The following EYA4 variants were observed in gnomAD, a reference collection of about 807,000 sequenced individuals.
EYA4 encodes EYA transcriptional coactivator and phosphatase 4, also known as protein phosphatase EYA4.
Under a neutral mutation model 87.9 loss-of-function variants are expected in EYA4, and 31 were observed. The ratio of observed to expected loss-of-function variants is 0.35; its 90% CI spans 0.27 to 0.48. EYA4 has a LOEUF of 0.48. Ranked by LOEUF, EYA4 falls within the 20% of genes least tolerant of loss-of-function variation. The probability of loss-of-function intolerance (pLI) is 0.99; values close to 1 mark genes in which losing one functional copy is unlikely to be tolerated. For synonymous variants in EYA4, 263 were observed against 270.6 expected (o/e 0.97, Z 0.28); for missense variants, 678 against 761.4 (o/e 0.89, Z 1.29).
chr6:133,401,194 C>A (rs73559694), intron 3 of EYA4, among the ~76,000 whole-genome samples: 3 of 152,146 alleles, frequency 2.0e-5, no homozygotes, highest in Admixed American at 6.5e-5. Flanking sequence ...AAAAGTGGAT[C>A]TCATAAGGAT....
chr6:133,245,463 G>A (rs953912063), intron 1 of EYA4, among the ~76,000 whole-genome samples: 2 of 152,142 alleles, frequency 1.3e-5, no homozygotes, highest in African/African-American at 4.8e-5. Context: ...TCCCTGTAGA[G>A]TATCTTAAAC....
chr6:133,386,916 G>C (rs930988578), intron 3 of EYA4, among the ~76,000 whole-genome samples: 1 of 152,190 alleles, frequency 6.6e-6, no homozygotes, highest in Non-Finnish European at 1.5e-5. Flanking sequence ...TCTCCACTTC[G>C]TAAGTTAAAG....
intron 1 of EYA4, among the ~76,000 whole-genome samples, chr6:133,268,796 CAGG>C (rs1013555060): frequency 1.3e-5 from 2 of 151,766 alleles, no homozygotes; most frequent in African/African-American, 4.8e-5. Flanking sequence ...ACCAGTGCAT[CAGG>C]AGGAGAAGAG....
intron 2 of EYA4, among the ~76,000 whole-genome samples, chr6:133,366,681 A>G (rs1401668444): frequency 6.6e-6 from 1 of 152,156 alleles, no homozygotes; most frequent in Non-Finnish European, 1.5e-5. Context: ...AGTGGCATGG[A>G]CATGATTTGT....
intron 1 of EYA4, among the ~76,000 whole-genome samples, chr6:133,244,450 A>T (rs1774240383): frequency 1.3e-5 from 2 of 152,104 alleles, no homozygotes; most frequent in Non-Finnish European, 2.9e-5. Flanking sequence ...GAGTGATTGT[A>T]TAAAAAGGAA....
chr6:133,418,970 T>G (rs1361077342), intron 3 of EYA4, among the ~76,000 whole-genome samples: 1 of 152,218 alleles, frequency 6.6e-6, no homozygotes, highest in Non-Finnish European at 1.5e-5. Flanking sequence ...CCCTCTAGTT[T>G]CTGGGCCACT....
chr6:133,352,737 T>G (rs1373231479), intron 2 of EYA4, among the ~76,000 whole-genome samples: 2 of 152,152 alleles, frequency 1.3e-5, no homozygotes, highest in Non-Finnish European at 2.9e-5. Flanking sequence ...ATGATGATAA[T>G]GAGGCCAGAA....
chr6:133,423,025 CT>C (rs1790352915), intron 3 of EYA4, among the ~76,000 whole-genome samples: 1 of 152,154 alleles, frequency 6.6e-6, no homozygotes, highest in Non-Finnish European at 1.5e-5. Flanking sequence ...CTTCTCATCT[CT>C]ACTCAGCCTT....
chr6:133,420,304 A>G (rs1467750302), intron 3 of EYA4, among the ~76,000 whole-genome samples: 1 of 152,218 alleles, frequency 6.6e-6, no homozygotes, highest in Non-Finnish European at 1.5e-5. Flanking sequence ...CTATAGAAAG[A>G]AGGGGTACCT....
intron 5 of EYA4, chr6:133,453,615 T>C (rs1365270881): frequency 1.3e-5 from 2 of 152,148 alleles, no homozygotes; most frequent in Admixed American, 1.3e-4. Context: ...TACTTAGAGA[T>C]CAAGAGGTGC....
intron 3 of EYA4, 137 bp from the exon 4 acceptor site, chr6:133,446,493 C>A: frequency 3.3e-6 from 3 of 913,038 alleles, no homozygotes. Flanking sequence ...CTGGCATGTT[C>A]ATCTGGTTGA....
At chr6:133,380,213 C>G (rs1266473051) in intron 2 of EYA4, among the ~76,000 whole-genome samples, 1 of 152,128 alleles carries the variant, frequency 6.6e-6, no homozygotes, top group African/African-American at 2.4e-5. Context: ...CTAAAAATAA[C>G]CACTCTGCTA....
chr6:133,378,937 G>GTGTT (rs554705395), intron 2 of EYA4, among the ~76,000 whole-genome samples: 1,747 of 126,296 alleles, frequency 0.014, 34 homozygotes, highest in African/African-American at 0.043. Flanking sequence ...GTGTGTGTGT[G>GTGTT]TGTGTGTGTG....
chr6:133,375,500 A>G (rs755874329), intron 2 of EYA4, among the ~76,000 whole-genome samples: 13 of 151,884 alleles, frequency 8.6e-5, no homozygotes, highest in Middle Eastern at 3.2e-3. Flanking sequence ...TCCTTCATAC[A>G]TTCCTGAGGT....
At chr6:133,414,116 C>T (rs1197750551) in intron 3 of EYA4, among the ~76,000 whole-genome samples, 2 of 152,174 alleles carry the variant, frequency 1.3e-5, no homozygotes, top group Admixed American at 1.3e-4. Flanking sequence ...ATGTGGTTTT[C>T]TCTTCTAATC....
At chr6:133,362,081 G>T (rs911376863) in intron 2 of EYA4, among the ~76,000 whole-genome samples, 2 of 152,130 alleles carry the variant, frequency 1.3e-5, no homozygotes, top group Admixed American at 1.3e-4. Context: ...TATAACCTTG[G>T]GTGGTTCCCT....
At chr6:133,244,628 A>T (rs1339181713) in intron 1 of EYA4, among the ~76,000 whole-genome samples, 3 of 31,512 alleles carry the variant, frequency 9.5e-5, no homozygotes, top group Admixed American at 5.2e-4. Context: ...TCTTTGGGTT[A>T]AAAAAAAAAA....
At chr6:133,434,559 T>G (rs1199765761) in intron 3 of EYA4, among the ~76,000 whole-genome samples, 1 of 152,204 alleles carries the variant, frequency 6.6e-6, no homozygotes, top group African/African-American at 2.4e-5. Context: ...GTCCCATGAC[T>G]GGTAAATGAG....
chr6:133,270,422 C>T (rs2128256765), intron 1 of EYA4, among the ~76,000 whole-genome samples: 1 of 152,242 alleles, frequency 6.6e-6, no homozygotes, highest in Non-Finnish European at 1.5e-5. Flanking sequence ...TCTTATGTCA[C>T]ATGATAAAGG....
Sources: gnomAD v4.1 joint callset for allele counts (sites outside exome capture counted in the v4.1 genomes callset) on GRCh38, gnomAD v4.1.1 for gene constraint, MANE v1.5 for transcripts, NCBI Gene and HGNC (gene_info 2026-07-23, HGNC 2026-07-21) for gene names.